The following DCTN4 variants were observed in gnomAD, a reference collection of about 807,000 sequenced individuals.
DCTN4 encodes dynactin 4 (p62).
In DCTN4, 23 loss-of-function variants were observed where a neutral mutation model predicts 62.7. The observed-to-expected ratio is 0.37, with a 90% CI of 0.26 to 0.52. DCTN4 has a LOEUF of 0.52. Among genes scored for constraint, DCTN4 ranks in the 20% least tolerant of loss-of-function variants. DCTN4 has a pLI of 0.92. For synonymous variants in DCTN4, 199 were observed against 202.1 expected (o/e 0.98, Z 0.13); for missense variants, 514 against 580.4 (o/e 0.89, Z 1.18).
chr5:150,715,862 G>C (rs1241295066), intron 11 of DCTN4, among the ~76,000 whole-genome samples, 200 bp from the exon 12 acceptor site: 2 of 152,140 alleles, frequency 1.3e-5, no homozygotes, highest in Admixed American at 1.3e-4. Flanking sequence ...ATGAGGAACT[G>C]GGGAGAACAT....
At chr5:150,718,236 G>A in intron 11 of DCTN4, 40 bp downstream of exon 11, 1 of 1,401,844 alleles carries the variant, frequency 7.1e-7, no homozygotes, top group Non-Finnish European at 1.0e-6. Context: ...ACACTCCAGG[G>A]AAAGTGCGGG....
At position 150,756,502 on chromosome 5, in the gene DCTN4, G is replaced by C. The variant is rs752745881; in HGVS notation, c.136-15C>G. The C allele has an allele frequency of 5.9e-6, 9 of 1,534,988 alleles. No individual in the cohort carries two copies. Among genetic ancestry groups the C allele is most frequent in the Non-Finnish European group, 7.9e-6 (9 of 1,136,826 alleles). ...TGGGAGTCCACCTAGGAGGAAACAA[G>C]AAAGAAAAAAAAAACCAGAGGAGAA... is the stretch of plus-strand genomic sequence containing the variant. On this transcript the variant is annotated splice_polypyrimidine_tract_variant and intron_variant, in intron 1 of 12. Coordinates refer to ENST00000447998, the MANE Select transcript of DCTN4 (RefSeq NM_016221.4).
At chr5:150,748,887 T>A (rs1280012189) in intron 3 of DCTN4, among the ~76,000 whole-genome samples, 1 of 150,322 alleles carries the variant, frequency 6.7e-6, no homozygotes, top group African/African-American at 2.5e-5. Context: ...TGTATACATA[T>A]GTAACTAACC....
intron 11 of DCTN4, 116 bp from the exon 12 acceptor site, chr5:150,715,778 C>CT: frequency 5.2e-6 from 4 of 765,248 alleles, no homozygotes; most frequent in Non-Finnish European, 8.9e-6. Flanking sequence ...GAAACATATA[C>CT]TACTTCTATG....
intron 5 of DCTN4, among the ~76,000 whole-genome samples, chr5:150,732,430 C>T (rs1296501648): frequency 1.1e-4 from 17 of 152,298 alleles, no homozygotes; most frequent in African/African-American, 1.4e-4. Flanking sequence ...GGATTACAGG[C>T]GTGAGCCACT....
At chr5:150,718,555 T>C (rs145963271) in intron 10 of DCTN4, among the ~76,000 whole-genome samples, 172 bp from the exon 11 acceptor site, 324 of 152,350 alleles carry the variant, frequency 2.1e-3, no homozygotes, top group African/African-American at 7.2e-3. Context: ...ATTATCTATA[T>C]GTTAGACCAA....
chr5:150,731,754 A>C, intron 5 of DCTN4: 1 of 847,952 alleles, frequency 1.2e-6, no homozygotes, highest in South Asian at 1.6e-5. Flanking sequence ...TAGTAATCTA[A>C]AAGTATCTAA....
intron 5 of DCTN4, chr5:150,732,005 T>G: frequency 9.8e-7 from 1 of 1,023,502 alleles, no homozygotes; most frequent in Non-Finnish European, 1.5e-6. Context: ...ATGGGAAAAT[T>G]GGAAGAATAA....
At chr5:150,712,830 A>G (rs1363604841) in intron 12 of DCTN4, among the ~76,000 whole-genome samples, 3 of 152,246 alleles carry the variant, frequency 2.0e-5, no homozygotes, top group African/African-American at 7.2e-5. Context: ...CCCAAATGAC[A>G]TTCAGTTACT....
intron 1 of DCTN4, chr5:150,758,324 A>G (rs1319202520): frequency 1.0e-6 from 1 of 985,994 alleles, no homozygotes; most frequent in African/African-American, 1.7e-5. Context: ...CTGTATTCTG[A>G]GCGCTTTTCA....
rs750219884 is a variant in DCTN4, at chr5:150,719,783, A to T, written c.909-13T>A. On this transcript the variant is annotated splice_polypyrimidine_tract_variant and intron_variant, in intron 9 of 12. Transcript: ENST00000447998. ...TGGAATATAATTGCTGTGCATAAAT[A>T]AAAAAATGCATTAATGTTCATTGGA... 1.9e-6 allele frequency: 3 copies of T among 1,561,566 alleles called. No individual in the cohort carries two copies. The highest frequency in any genetic ancestry group is 2.2e-5 in the East Asian group (1 of 44,570).
intron 12 of DCTN4, among the ~76,000 whole-genome samples, chr5:150,713,239 G>C (rs1395823009): frequency 6.6e-6 from 1 of 152,026 alleles, no homozygotes; most frequent in Non-Finnish European, 1.5e-5. Flanking sequence ...GGCAACCACT[G>C]ATACCTGGGA....
chr5:150,724,720 A>G (rs961300319), intron 8 of DCTN4, among the ~76,000 whole-genome samples: 1 of 152,238 alleles, frequency 6.6e-6, no homozygotes, highest in Admixed American at 6.5e-5. Context: ...TATTTAGTAT[A>G]TAACAAATTT....
At chr5:150,756,039 CTTTT>C (rs777641858) in intron 2 of DCTN4, among the ~76,000 whole-genome samples, 6 of 124,990 alleles carry the variant, frequency 4.8e-5, no homozygotes, top group Admixed American at 8.1e-5. Context: ...TTTCATGTGT[CTTTT>C]TTTTTTTTTT....
At chr5:150,711,397 TA>T (rs746689585) in intron 12 of DCTN4, 35 bp from the exon 13 acceptor site, 5 of 1,567,018 alleles carry the variant, frequency 3.2e-6, no homozygotes, top group African/African-American at 2.7e-5. Flanking sequence ...ATTAGGTAGA[TA>T]AAAAAATCAG....
At chr5:150,730,831 T>C (rs1012861421) in intron 7 of DCTN4, 91 bp from the exon 8 acceptor site, 4 of 1,075,182 alleles carry the variant, frequency 3.7e-6, no homozygotes, top group Non-Finnish European at 5.7e-6. Context: ...CATTACTGCC[T>C]TTACGAACAG....
rs1421186664 is a variant in DCTN4 at position 150,709,603 on chromosome 5, T to G, written c.*1546A>C. On this transcript the variant is annotated 3_prime_UTR_variant, in exon 13 of 13. Coordinates refer to ENST00000447998, the MANE Select transcript of DCTN4 (RefSeq NM_016221.4). ...GAGATGAGTATTTTCCTTCTTACAC[T>G]GCATCACATATATTACTCTGTAGGA... 1 of 152,392 alleles carries G rather than the reference T, an allele frequency of 6.6e-6. No individual in the cohort carries two copies. Among genetic ancestry groups the G allele is most frequent in the Non-Finnish European group, 1.5e-5 (1 of 68,046 alleles). 9.4% of individuals were successfully genotyped at this position (152,392 alleles called of 1,614,324 possible). A position where few individuals can be genotyped will look rare whatever the true frequency, so the allele number is the denominator to read the frequency against.
intron 11 of DCTN4, 28 bp from the exon 12 acceptor site, chr5:150,715,690 T>C: frequency 6.3e-7 from 1 of 1,579,846 alleles, no homozygotes; most frequent in East Asian, 2.2e-5. Context: ...GAGGCCTGCC[T>C]GAGAAGGGAC....
At chr5:150,725,774 A>AT (rs1205870539) in intron 8 of DCTN4, among the ~76,000 whole-genome samples, 2 of 152,262 alleles carry the variant, frequency 1.3e-5, no homozygotes, top group Non-Finnish European at 1.5e-5. Context: ...AAGAGAAAGC[A>AT]TAGGGACTCC....
Sources: gnomAD v4.1 joint callset for allele counts (sites outside exome capture counted in the v4.1 genomes callset) on GRCh38, gnomAD v4.1.1 for gene constraint, MANE v1.5 for transcripts, NCBI Gene and HGNC (gene_info 2026-07-23, HGNC 2026-07-21) for gene names.